AGBL4: variants seen among roughly 807,000 people sequenced by gnomAD.
AGBL4 encodes the protein cytosolic carboxypeptidase 6.
Under a neutral mutation model 66.4 loss-of-function variants are expected in AGBL4, and 58 were observed. That is an observed-to-expected ratio of 0.87 (90% CI 0.71 to 1.09). The LOEUF (loss-of-function observed/expected upper bound fraction) is 1.09, where lower values mean the gene tolerates loss of function less well. AGBL4 is among the 50% of genes least tolerant of loss of function. The pLI, the probability that AGBL4 is intolerant of heterozygous loss-of-function variation, is 0.00. For missense variants in AGBL4, 579 were observed against 631.0 expected (o/e 0.92, Z 0.88); for synonymous variants, 234 against 222.9 (o/e 1.05, Z -0.44).
At chr1:49,684,653 C>G (rs1646755238) in intron 3 of AGBL4, among the ~76,000 whole-genome samples, 1 of 152,130 alleles carries the variant, frequency 6.6e-6, no homozygotes, top group African/African-American at 2.4e-5. Context: ...AATAAAAATG[C>G]AAAGACATGC....
intron 3 of AGBL4, among the ~76,000 whole-genome samples, chr1:49,688,891 T>C (rs368337433): frequency 9.3e-4 from 141 of 152,358 alleles, no homozygotes; most frequent in South Asian, 2.1e-3. Context: ...AAATGTCTGT[T>C]CAGAACTTTT....
chr1:49,598,343 G>GT (rs1644888994), intron 3 of AGBL4, among the ~76,000 whole-genome samples: 1 of 152,090 alleles, frequency 6.6e-6, no homozygotes, highest in Non-Finnish European at 1.5e-5. Flanking sequence ...CATCTTTGTG[G>GT]TTTTATCTAC....
chr1:49,038,072 T>G (rs1664806192), intron 5 of AGBL4, among the ~76,000 whole-genome samples: 1 of 152,146 alleles, frequency 6.6e-6, no homozygotes, highest in Non-Finnish European at 1.5e-5. Context: ...ACTGATCCTC[T>G]TTCCTGATTT....
intron 7 of AGBL4, among the ~76,000 whole-genome samples, chr1:48,659,696 T>TG (rs1255371475): frequency 6.6e-6 from 1 of 152,102 alleles, no homozygotes; most frequent in Non-Finnish European, 1.5e-5. Flanking sequence ...GAGGAAGAGC[T>TG]GGGGCCCACA....
intron 3 of AGBL4, among the ~76,000 whole-genome samples, chr1:49,646,803 G>A (rs1253442642): frequency 6.6e-6 from 1 of 151,950 alleles, no homozygotes; most frequent in Non-Finnish European, 1.5e-5. Context: ...TCAAAGCAGT[G>A]TGGTATTTGT....
intron 1 of AGBL4, among the ~76,000 whole-genome samples, chr1:49,861,132 T>C (rs887323916): frequency 6.6e-6 from 1 of 151,800 alleles, no homozygotes; most frequent in Non-Finnish European, 1.5e-5. Context: ...CCATTGTGAG[T>C]GCCCACACAC....
chr1:49,382,535 A>G (rs1194484644), intron 3 of AGBL4, among the ~76,000 whole-genome samples: 1 of 152,128 alleles, frequency 6.6e-6, no homozygotes, highest in East Asian at 1.9e-4. Context: ...GTCATATATG[A>G]AAAACCCACA....
chr1:49,656,150 A>G (rs1646126482), intron 3 of AGBL4, among the ~76,000 whole-genome samples: 1 of 152,050 alleles, frequency 6.6e-6, no homozygotes, highest in Non-Finnish European at 1.5e-5. Flanking sequence ...CCGTCTCAAA[A>G]AAAAAAAAAA....
chr1:48,846,362 G>GAAGAAGAAAGAAAGAAAGA (rs1553243605), intron 6 of AGBL4, among the ~76,000 whole-genome samples: 1 of 118,594 alleles, frequency 8.4e-6, no homozygotes, highest in African/African-American at 3.1e-5. Context: ...GAGAAAGAAA[G>GAAGAAGAAAGAAAGAAAGA]AAGAAAGAAA....
At chr1:48,961,183 C>T (rs1203364291) in intron 5 of AGBL4, among the ~76,000 whole-genome samples, 1 of 152,034 alleles carries the variant, frequency 6.6e-6, no homozygotes, top group Non-Finnish European at 1.5e-5. Context: ...GGAGGAACTG[C>T]AGGGCAGGGT....
chr1:49,638,845 A>G (rs1645726881), intron 3 of AGBL4, among the ~76,000 whole-genome samples: 1 of 152,180 alleles, frequency 6.6e-6, no homozygotes, highest in African/African-American at 2.4e-5. Flanking sequence ...ATTGACCAAT[A>G]CAAGTACTCG....
intron 2 of AGBL4, chr1:49,845,709 G>C (rs1646123324): frequency 2.5e-6 from 4 of 1,596,646 alleles, no homozygotes; most frequent in Non-Finnish European, 3.4e-6. Flanking sequence ...GCACATTCCT[G>C]ACTGAGCATC....
chr1:49,339,034 G>T (rs1023732834), intron 3 of AGBL4, among the ~76,000 whole-genome samples: 2 of 152,022 alleles, frequency 1.3e-5, no homozygotes, highest in African/African-American at 4.8e-5. Flanking sequence ...TTACTTAAGG[G>T]ACTAATGACG....
intron 3 of AGBL4, among the ~76,000 whole-genome samples, chr1:49,570,518 G>GT (rs893621367): frequency 1.4e-4 from 22 of 151,872 alleles, no homozygotes; most frequent in African/African-American, 5.3e-4. Context: ...ATTTCCAAAT[G>GT]TTTTTTCCTA....
intron 5 of AGBL4, among the ~76,000 whole-genome samples, chr1:49,012,518 A>G (rs751489962): frequency 2.0e-5 from 3 of 152,190 alleles, no homozygotes; most frequent in Non-Finnish European, 2.9e-5. Context: ...GGGAGTTCCA[A>G]TTCACTCTTA....
At position 49,452,641 on chromosome 1, in the gene AGBL4, T is replaced by C. The variant is rs142798433; in HGVS notation, c.283-206777A>G. ...TTCATCTACCTGAGATGTTCTGCCC[T>C]GATACTCTAATAGACAGAATTAATT... is the stretch of plus-strand genomic sequence containing the variant. On this transcript the variant is annotated intron_variant, in intron 3 of 13. Coordinates refer to ENST00000371839, the MANE Select transcript of AGBL4 (RefSeq NM_032785.4). Among the ~76,000 whole-genome samples the C allele has an allele frequency of 2.6e-5, 4 of 152,056 alleles. No homozygotes were observed. In the East Asian group the frequency reaches 5.8e-4, roughly 22 times the overall value.
chr1:48,804,118 C>A (rs1395350586), intron 6 of AGBL4, among the ~76,000 whole-genome samples: 1 of 152,168 alleles, frequency 6.6e-6, no homozygotes, highest in Non-Finnish European at 1.5e-5. Context: ...TTTATTACCT[C>A]TTTTGTTCAG....
At chr1:49,232,027 T>C (rs1270152178) in intron 4 of AGBL4, among the ~76,000 whole-genome samples, 2 of 152,188 alleles carry the variant, frequency 1.3e-5, no homozygotes, top group Admixed American at 1.3e-4. Context: ...TGTTTTCAAC[T>C]TATGATGGGT....
At chr1:49,548,435 A>C (rs1558040282) in intron 3 of AGBL4, among the ~76,000 whole-genome samples, 1 of 152,134 alleles carries the variant, frequency 6.6e-6, no homozygotes, top group East Asian at 1.9e-4. Flanking sequence ...CTTTTATTAC[A>C]TTGAAGTATG....
Sources: allele counts gnomAD v4.1 joint callset (sites outside exome capture counted in the v4.1 genomes callset), GRCh38; gene constraint gnomAD v4.1.1; transcripts MANE v1.5; gene names NCBI Gene and HGNC (gene_info 2026-07-23, HGNC 2026-07-21).